Variants in TSPAN18 observed in about 807,000 individuals in gnomAD.
The protein encoded by TSPAN18 is tetraspanin-18.
Under a neutral mutation model 27.3 loss-of-function variants are expected in TSPAN18, and 14 were observed. That is an observed-to-expected ratio of 0.51 (90% CI 0.34 to 0.80). The LOEUF (loss-of-function observed/expected upper bound fraction) is 0.80. Ranked by LOEUF, TSPAN18 falls within the 30% of genes least tolerant of loss-of-function variation. TSPAN18 has a pLI of 0.01. For missense variants in TSPAN18, 268 were observed against 323.9 expected (o/e 0.83, Z 1.32); for synonymous variants, 143 against 136.5 (o/e 1.05, Z -0.33).
rs1670300 is a variant in TSPAN18 at position 44,846,606 on chromosome 11, T to G, written c.-152-13722T>G. On this transcript the variant is annotated intron_variant, in intron 2 of 9. Transcript: ENST00000520358. ...CAAGAGGCTGTCTGTGTGTGTGTGT[T>G]TGTGTGTGTGTCTATGTGTCTATGT... 3.0e-3 allele frequency among the ~76,000 whole-genome samples: 450 copies of G among 151,212 alleles called. 1 individual carries two copies. The highest frequency in any genetic ancestry group is 9.8e-3 in the African/African-American group (405 of 41,282).
At chr11:44,765,430 T>C (rs1404663766) in intron 2 of TSPAN18, among the ~76,000 whole-genome samples, 1 of 152,136 alleles carries the variant, frequency 6.6e-6, no homozygotes, top group Non-Finnish European at 1.5e-5. Flanking sequence ...GGGTCCGAGG[T>C]GCAGAGGAAC....
At chr11:44,818,825 C>T (rs1268113508) in intron 2 of TSPAN18, among the ~76,000 whole-genome samples, 1 of 152,158 alleles carries the variant, frequency 6.6e-6, no homozygotes, top group Non-Finnish European at 1.5e-5. Flanking sequence ...AGGGGGGAGT[C>T]CTGGCTGGGG....
chr11:44,795,440 A>G (rs1331391453), intron 2 of TSPAN18, among the ~76,000 whole-genome samples: 1 of 152,040 alleles, frequency 6.6e-6, no homozygotes, highest in Non-Finnish European at 1.5e-5. Flanking sequence ...CAGCTTCCTC[A>G]TCTGCAAAGT....
At chr11:44,889,480 A>G (rs1316151577) in intron 3 of TSPAN18, among the ~76,000 whole-genome samples, 1 of 152,224 alleles carries the variant, frequency 6.6e-6, no homozygotes, top group Non-Finnish European at 1.5e-5. Context: ...GGGTTTCCAG[A>G]GAATAAAGTC....
chr11:44,854,543 G>A (rs982659317), intron 2 of TSPAN18, among the ~76,000 whole-genome samples: 4 of 152,218 alleles, frequency 2.6e-5, no homozygotes, highest in Admixed American at 2.0e-4. Context: ...GTTCGGCTTT[G>A]AGTGTCCTTT....
At chr11:44,880,048 G>A (rs1858447089) in intron 3 of TSPAN18, among the ~76,000 whole-genome samples, 1 of 152,216 alleles carries the variant, frequency 6.6e-6, no homozygotes, top group Non-Finnish European at 1.5e-5. Flanking sequence ...GCTGGACGGT[G>A]GAGGAAGGAG....
chr11:44,918,706 T>C (rs1250948396), intron 6 of TSPAN18, among the ~76,000 whole-genome samples: 1 of 152,014 alleles, frequency 6.6e-6, no homozygotes, highest in Non-Finnish European at 1.5e-5. Flanking sequence ...TCTCCTCTGC[T>C]GGGCACCACC....
chr11:44,857,846 C>T (rs1857776873), intron 2 of TSPAN18, among the ~76,000 whole-genome samples: 2 of 152,174 alleles, frequency 1.3e-5, no homozygotes, highest in Non-Finnish European at 2.9e-5. Context: ...GAATCCCTCC[C>T]CCCGATACAC....
intron 3 of TSPAN18, among the ~76,000 whole-genome samples, chr11:44,895,494 C>T (rs1260100668): frequency 6.6e-6 from 1 of 152,194 alleles, no homozygotes; most frequent in Non-Finnish European, 1.5e-5. Context: ...ATGGGGTGAG[C>T]ATGGCAGGTG....
chr11:44,825,581 C>T (rs886093395), intron 2 of TSPAN18, among the ~76,000 whole-genome samples: 2 of 152,150 alleles, frequency 1.3e-5, no homozygotes, highest in African/African-American at 4.8e-5. Context: ...TGCATCCCAG[C>T]GGGACCCCTC....
intron 2 of TSPAN18, among the ~76,000 whole-genome samples, chr11:44,819,359 A>G (rs1856879811): frequency 6.6e-6 from 1 of 152,182 alleles, no homozygotes; most frequent in South Asian, 2.1e-4. Flanking sequence ...GACAGCAGAA[A>G]CGGCTGCATT....
chr11:44,847,743 A>G (rs781595155), intron 2 of TSPAN18, among the ~76,000 whole-genome samples: 2 of 152,172 alleles, frequency 1.3e-5, no homozygotes, highest in Non-Finnish European at 2.9e-5. Flanking sequence ...TGGAGATAAT[A>G]ACAATAGCTG....
At chr11:44,770,855 A>G (rs560338883) in intron 2 of TSPAN18, among the ~76,000 whole-genome samples, 1 of 152,274 alleles carries the variant, frequency 6.6e-6, no homozygotes, top group East Asian at 1.9e-4. Context: ...GATGAGAGAA[A>G]GAGGAGTCAA....
At chr11:44,902,874 G>T (rs115354499) in intron 3 of TSPAN18, among the ~76,000 whole-genome samples, 1 of 152,198 alleles carries the variant, frequency 6.6e-6, no homozygotes, top group Non-Finnish European at 1.5e-5. Flanking sequence ...ACGACTGTGG[G>T]TTTGAATCCT....
At position 44,728,982 on chromosome 11, in the gene TSPAN18, G is replaced by GC. The variant is rs563366845; in HGVS notation, c.-240+1701dup. The stretch of plus-strand genomic sequence containing the variant: ...GCTGGTAACCTGTGCTCCTTGGGCA[G>GC]CCCCCCTCCTGCTCCCATGTCCTTA... On this transcript the variant is annotated intron_variant, in intron 1 of 9. Transcript: ENST00000520358. Among the ~76,000 whole-genome samples, 238 of 152,308 alleles carry GC rather than the reference G, an allele frequency of 1.6e-3. 1 individual carries two copies. The highest frequency in any genetic ancestry group is 2.7e-3 in the Non-Finnish European group (181 of 68,032).
At chr11:44,877,992 C>T (rs997029632) in intron 3 of TSPAN18, among the ~76,000 whole-genome samples, 1 of 151,954 alleles carries the variant, frequency 6.6e-6, no homozygotes, top group Admixed American at 6.5e-5. Flanking sequence ...TGCACGTGCA[C>T]ACACACAGAC....
intron 2 of TSPAN18, among the ~76,000 whole-genome samples, chr11:44,776,514 T>G (rs1172554073): frequency 3.9e-5 from 6 of 152,230 alleles, no homozygotes; most frequent in South Asian, 4.1e-4. Flanking sequence ...CGTCATATAT[T>G]TAAAGGGAAA....
intron 3 of TSPAN18, among the ~76,000 whole-genome samples, chr11:44,879,257 T>A (rs1397715046): frequency 2.6e-5 from 4 of 151,898 alleles, no homozygotes; most frequent in Admixed American, 2.0e-4. Flanking sequence ...CCTCCCTCTC[T>A]CCCTCCCTTC....
intron 2 of TSPAN18, among the ~76,000 whole-genome samples, chr11:44,815,235 C>G (rs527821442): frequency 1.5e-4 from 23 of 152,334 alleles, no homozygotes; most frequent in African/African-American, 5.3e-4. Context: ...CATATGGATC[C>G]AGGCACAGAC....
Sources: gnomAD v4.1 joint callset for allele counts (sites outside exome capture counted in the v4.1 genomes callset) on GRCh38, gnomAD v4.1.1 for gene constraint, MANE v1.5 for transcripts, NCBI Gene and HGNC (gene_info 2026-07-23, HGNC 2026-07-21) for gene names.